SMCO1: variants seen among roughly 807,000 people sequenced by gnomAD.
SMCO1 encodes the protein single-pass membrane and coiled-coil domain-containing protein 1.
Under a neutral mutation model 7.5 loss-of-function variants are expected in SMCO1, and 9 were observed. The ratio of observed to expected loss-of-function variants is 1.20; its 90% CI spans 0.72 to 2.09. The LOEUF is 2.09. SMCO1 is among the 30% of genes most tolerant of loss of function. The probability of loss-of-function intolerance (pLI) is 0.00; values close to 1 mark genes in which losing one functional copy is unlikely to be tolerated. For synonymous variants in SMCO1, 90 were observed against 93.8 expected (o/e 0.96, Z 0.23); for missense variants, 219 against 253.1 (o/e 0.87, Z 0.91).
upstream of SMCO1, among the ~76,000 whole-genome samples, chr3:196,520,181 C>A (rs566550655): frequency 6.6e-6 from 1 of 152,154 alleles, no homozygotes; most frequent in African/African-American, 2.4e-5. Context: ...CAGACAAACC[C>A]GCTGGAGGGA....
chr3:196,508,557 A>T (rs1733120144), intron 2 of SMCO1, among the ~76,000 whole-genome samples: 2 of 151,932 alleles, frequency 1.3e-5, no homozygotes, highest in Non-Finnish European at 2.9e-5. Context: ...CAAACTCCTG[A>T]GCTCAAGTGA....
At chr3:196,515,029 C>T (rs139898508) in intron 1 of SMCO1, 131 bp downstream of exon 1, 34 of 1,141,162 alleles carry the variant, frequency 3.0e-5, no homozygotes, top group Middle Eastern at 2.0e-4. Flanking sequence ...TGTGAGCCAC[C>T]GCACCGGCCA....
At chr3:196,517,894 T>G (rs1733424187), upstream of SMCO1, among the ~76,000 whole-genome samples, 1 of 152,220 alleles carries the variant, frequency 6.6e-6, no homozygotes, top group Non-Finnish European at 1.5e-5. Flanking sequence ...CAGTAATGCT[T>G]TTTATTTTAA....
chr3:196,515,988 G>GAT (rs200613159), upstream of SMCO1, among the ~76,000 whole-genome samples: 2,355 of 22,950 alleles, frequency 0.1, 64 homozygotes, highest in South Asian at 0.12. Context: ...AAGAGGATAG[G>GAT]ATATATATAT....
At chr3:196,515,988 GATATATATATATATATATATATATAT>G (rs200613159), upstream of SMCO1, among the ~76,000 whole-genome samples, 417 of 23,902 alleles carry the variant, frequency 0.017, 35 homozygotes, top group East Asian at 0.27. Context: ...AAGAGGATAG[GATATATATATATATATATATATATAT>G]ATATATATAT....
In SMCO1 at chr3:196,507,471, A is replaced by G. The variant is rs1733075308; in HGVS notation, c.*416T>C. On this transcript the variant is annotated 3_prime_UTR_variant, in exon 3 of 3. Transcript: ENST00000397537. ...ATGTAAAAAATGGATTAACAGTGAA[A>G]AGACTTCCTCTTGTCTTTGACCCCT... 6.6e-6 allele frequency: 1 copy of G among 152,212 alleles called. No individual in the cohort carries two copies. Among genetic ancestry groups the G allele is most frequent in the South Asian group, 2.1e-4 (1 of 4,834 alleles). The allele number at this position is 152,212 out of a possible 1,614,324, so 9.4% of individuals were successfully genotyped here.
chr3:196,512,696 T>TG (rs200327933), intron 1 of SMCO1, among the ~76,000 whole-genome samples: 6,293 of 151,794 alleles, frequency 0.041, 171 homozygotes, highest in South Asian at 0.12. Context: ...TTAGTAGAGA[T>TG]GGGGTTTCAC....
chr3:196,516,011 A>AAAATTATACATATAAT (rs1469300062), upstream of SMCO1, among the ~76,000 whole-genome samples: 5 of 94,374 alleles, frequency 5.3e-5, 1 homozygote, highest in African/African-American at 5.3e-4. Flanking sequence ...ATATATATAT[A>AAAATTATACATATAAT]TATATATATA....
At position 196,507,984 on chromosome 3, in the gene SMCO1, A is replaced by C. The variant is rs1418865713; in HGVS notation, c.548T>G (p.Leu183Arg). ...CTTCTCAATTACCTGCACAGCCCTC[A>C]GCAAACTGTCCTGCAGAGCCTGGTT... is the stretch of plus-strand genomic sequence containing the variant. Reference protein sequence around the residue: ...VKNQALQDSLLRAVQVIEKGK... With the variant: ...VKNQALQDSLRRAVQVIEKGK... The change falls in exon 3 of 3, where the codon CTG becomes CGG. Residue 183 changes from leucine (L) to arginine (R), a missense_variant. Physicochemically the swap from Leu to Arg is moderately radical, Grantham distance 102 (BLOSUM62 -2). Transcript: ENST00000397537. 1 of 1,614,174 alleles carries C rather than the reference A, an allele frequency of 6.2e-7. No individual in the cohort carries two copies. Among genetic ancestry groups the C allele is most frequent in the East Asian group, 2.2e-5 (1 of 44,894 alleles).
At chr3:196,512,552 G>GC (rs1733275678) in intron 1 of SMCO1, among the ~76,000 whole-genome samples, 1 of 123,860 alleles carries the variant, frequency 8.1e-6, no homozygotes, top group South Asian at 2.4e-4. Context: ...TTGCTCTGTC[G>GC]CCAGGCTGGA....
chr3:196,512,509 CTTTTTTT>C (rs36023059), intron 1 of SMCO1, among the ~76,000 whole-genome samples: 2 of 114,044 alleles, frequency 1.8e-5, no homozygotes, highest in Non-Finnish European at 3.5e-5. Flanking sequence ...TATTTCCTTT[CTTTTTTT>C]TTTTTTTTTT....
In SMCO1 at chr3:196,507,593, T is replaced by A. The variant is rs1367424778; in HGVS notation, c.*294A>T. 1.3e-5 allele frequency: 2 copies of A among 155,060 alleles called. No homozygotes were observed. Among genetic ancestry groups the A allele is most frequent in the Non-Finnish European group, 2.8e-5 (2 of 70,556 alleles). The allele number at this position is 155,060 out of a possible 1,614,324, so 9.6% of individuals were successfully genotyped here. A position where few individuals can be genotyped will look rare whatever the true frequency, so the allele number is the denominator to read the frequency against. ...GATATGTAAACTAATATGTGTTATA[T>A]ATATATTTATATATATATATTTGTC... On this transcript the variant is annotated 3_prime_UTR_variant, in exon 3 of 3. Coordinates refer to ENST00000397537, the MANE Select transcript of SMCO1 (RefSeq NM_001077657.3).
rs1209903707 is a variant in SMCO1 at position 196,513,633 on chromosome 3, A to C, written c.50+1527T>G. ...ACAGAGTGAGACTCTGTCTCAAAAA[A>C]AAAAAAAAAAAAAAAGCCATTTGGC... On this transcript the variant is annotated intron_variant, in intron 1 of 2. Coordinates refer to ENST00000397537, the MANE Select transcript of SMCO1 (RefSeq NM_001077657.3). 2.6e-4 allele frequency among the ~76,000 whole-genome samples: 39 copies of C among 150,848 alleles called. No individual in the cohort carries two copies. In the East Asian group the frequency reaches 7.4e-3, roughly 28 times the overall value.
chr3:196,509,418 C>G, intron 2 of SMCO1, 102 bp downstream of exon 2: 1 of 1,000,274 alleles, frequency 1.0e-6, no homozygotes, highest in Non-Finnish European at 1.5e-6. Context: ...AATTGCTTTA[C>G]AATCCATTGT....
chr3:196,518,482 T>C (rs1162664955), upstream of SMCO1, among the ~76,000 whole-genome samples: 1 of 152,140 alleles, frequency 6.6e-6, no homozygotes, highest in Non-Finnish European at 1.5e-5. Flanking sequence ...GCTCAGCTAG[T>C]TTTTGTATTT....
At chr3:196,519,514 C>T (rs59835335), upstream of SMCO1, among the ~76,000 whole-genome samples, 8,480 of 152,256 alleles carry the variant, frequency 0.056, 798 homozygotes, top group African/African-American at 0.19. Flanking sequence ...ACTGTCCCAT[C>T]GGCAGGAAAA....
At chr3:196,517,325 T>C (rs1733412461), upstream of SMCO1, among the ~76,000 whole-genome samples, 4 of 152,020 alleles carry the variant, frequency 2.6e-5, no homozygotes, top group South Asian at 8.3e-4. Context: ...GCAACTAGAA[T>C]AGCCTCCAGA....
upstream of SMCO1, among the ~76,000 whole-genome samples, chr3:196,516,550 T>C (rs1397589733): frequency 6.6e-6 from 1 of 152,224 alleles, no homozygotes; most frequent in Non-Finnish European, 1.5e-5. Flanking sequence ...ATGTCACGTA[T>C]TTGTTCTTTC....
intron 2 of SMCO1, among the ~76,000 whole-genome samples, chr3:196,508,954 G>A (rs867069760): frequency 0.02 from 2,467 of 124,212 alleles, 100 homozygotes; most frequent in African/African-American, 0.096. Flanking sequence ...AAAAAAAAAA[G>A]AAAAAAAAAT....
Sources: gnomAD v4.1 joint callset for allele counts (sites outside exome capture counted in the v4.1 genomes callset) on GRCh38, gnomAD v4.1.1 for gene constraint, MANE v1.5 for transcripts, NCBI Gene and HGNC (gene_info 2026-07-23, HGNC 2026-07-21) for gene names.